PCCA: variants seen among roughly 807,000 people sequenced by gnomAD.
The protein encoded by PCCA is propionyl-CoA carboxylase subunit alpha.
Under a neutral mutation model 101.3 loss-of-function variants are expected in PCCA, and 74 were observed. The ratio of observed to expected loss-of-function variants is 0.73; its 90% CI spans 0.61 to 0.89. The LOEUF is 0.89. Ranked by LOEUF, PCCA falls within the 40% of genes least tolerant of loss-of-function variation. PCCA has a pLI of 0.00. For missense variants in PCCA, 891 were observed against 907.0 expected (o/e 0.98, Z 0.23); for synonymous variants, 294 against 313.6 (o/e 0.94, Z 0.66).
intron 19 of PCCA, among the ~76,000 whole-genome samples, chr13:100,380,919 G>A (rs1043708832): frequency 1.6e-4 from 24 of 152,288 alleles, no homozygotes; most frequent in Admixed American, 5.9e-4. Context: ...TCTAAAAATA[G>A]GCAAAAGATC....
At chr13:100,370,957 G>GC (rs2075538824) in intron 19 of PCCA, among the ~76,000 whole-genome samples, 1 of 152,102 alleles carries the variant, frequency 6.6e-6, no homozygotes, top group Non-Finnish European at 1.5e-5. Flanking sequence ...ACACAGTAAA[G>GC]CTTTAGGTGC....
intron 12 of PCCA, among the ~76,000 whole-genome samples, chr13:100,300,702 C>T (rs1409228486): frequency 1.3e-5 from 2 of 152,140 alleles, no homozygotes; most frequent in African/African-American, 4.8e-5. Flanking sequence ...TCTAAGTGAT[C>T]GACCAAGTTT....
At chr13:100,461,249 A>G (rs531462620) in intron 21 of PCCA, among the ~76,000 whole-genome samples, 31 of 152,324 alleles carry the variant, frequency 2.0e-4, no homozygotes, top group African/African-American at 7.0e-4. Context: ...AATTAGCAAG[A>G]GCTGAAGCTT....
rs1234569555 is a variant in PCCA, at chr13:100,274,727, C to T, written c.1065+1381C>T. On this transcript the variant is annotated intron_variant, in intron 12 of 23. Transcript: ENST00000376285. ...CCGTTTTCTGTAGGGACACTAGTCA[C>T]ATTGGATTCAGGACCCTTCCCATTT... 3.9e-5 allele frequency among the ~76,000 whole-genome samples: 6 copies of T among 152,262 alleles called. 1 individual carries two copies. The highest frequency in any genetic ancestry group is 3.3e-4 in the Admixed American group (5 of 15,286).
At chr13:100,261,819 C>G (rs576463042) in intron 9 of PCCA, among the ~76,000 whole-genome samples, 1 of 152,066 alleles carries the variant, frequency 6.6e-6, no homozygotes, top group Non-Finnish European at 1.5e-5. Flanking sequence ...TTGTAATGAT[C>G]TGTGTGGGTG....
At chr13:100,290,204 T>C (rs2065019813) in intron 12 of PCCA, among the ~76,000 whole-genome samples, 1 of 152,064 alleles carries the variant, frequency 6.6e-6, no homozygotes, top group Non-Finnish European at 1.5e-5. Context: ...ATTTTTTTTA[T>C]TTCTCTCTCT....
intron 6 of PCCA, among the ~76,000 whole-genome samples, chr13:100,201,194 T>C (rs1026799840): frequency 6.6e-6 from 1 of 152,174 alleles, no homozygotes; most frequent in African/African-American, 2.4e-5. Context: ...TATAAGGTTT[T>C]ATATATATAT....
intron 12 of PCCA, among the ~76,000 whole-genome samples, chr13:100,286,665 T>C (rs2064693626): frequency 6.6e-6 from 1 of 152,168 alleles, no homozygotes; most frequent in Admixed American, 6.5e-5. Flanking sequence ...TTTTAATGTG[T>C]CTTGGCTTAG....
intron 12 of PCCA, among the ~76,000 whole-genome samples, chr13:100,282,354 G>A (rs2064194934): frequency 1.3e-5 from 2 of 152,264 alleles, no homozygotes; most frequent in Non-Finnish European, 2.9e-5. Context: ...CGGCACTTGA[G>A]GAGCCTTCAG....
At chr13:100,331,934 ATTTTTTT>A (rs34411352) in intron 17 of PCCA, among the ~76,000 whole-genome samples, 1 of 89,768 alleles carries the variant, frequency 1.1e-5, no homozygotes, top group Non-Finnish European at 2.0e-5. Flanking sequence ...ATTACTTTGG[ATTTTTTT>A]TTTTTTTTTT....
chr13:100,467,416 G>T (rs2082618881), intron 21 of PCCA, among the ~76,000 whole-genome samples: 1 of 152,198 alleles, frequency 6.6e-6, no homozygotes, highest in Admixed American at 6.5e-5. Flanking sequence ...CTGTTGCCCA[G>T]GCTGGAGTGC....
At chr13:100,227,301 G>T (rs1411730971) in intron 7 of PCCA, among the ~76,000 whole-genome samples, 2 of 152,084 alleles carry the variant, frequency 1.3e-5, no homozygotes, top group Non-Finnish European at 2.9e-5. Flanking sequence ...TAACTGCAAG[G>T]CTTGGTTACC....
At chr13:100,378,452 T>C (rs2076048493) in intron 19 of PCCA, among the ~76,000 whole-genome samples, 1 of 152,242 alleles carries the variant, frequency 6.6e-6, no homozygotes, top group Non-Finnish European at 1.5e-5. Context: ...CTGGACCTTC[T>C]GTATCTGGAT....
chr13:100,254,440 C>T (rs2061949145), intron 8 of PCCA, among the ~76,000 whole-genome samples: 1 of 152,168 alleles, frequency 6.6e-6, no homozygotes. Context: ...GTGGAAATTT[C>T]ATGTCCAGAT....
At chr13:100,299,383 A>T (rs1345183421) in intron 12 of PCCA, among the ~76,000 whole-genome samples, 3 of 152,238 alleles carry the variant, frequency 2.0e-5, no homozygotes, top group Non-Finnish European at 4.4e-5. Flanking sequence ...TTTTTAAAAG[A>T]CATGTATACA....
intron 21 of PCCA, among the ~76,000 whole-genome samples, chr13:100,455,944 C>T (rs544438309): frequency 8.5e-4 from 129 of 152,200 alleles, no homozygotes; most frequent in Non-Finnish European, 1.7e-3. Context: ...AAATGATCCA[C>T]CCACCTCAGC....
At chr13:100,198,792 CCCGG>C (rs1476416720) in intron 6 of PCCA, among the ~76,000 whole-genome samples, 6 of 152,166 alleles carry the variant, frequency 3.9e-5, no homozygotes, top group African/African-American at 9.7e-5. Flanking sequence ...AGCCACCACA[CCCGG>C]TCTGCAGTTG....
intron 19 of PCCA, among the ~76,000 whole-genome samples, chr13:100,381,092 A>G (rs1190834326): frequency 1.3e-5 from 2 of 152,288 alleles, no homozygotes; most frequent in South Asian, 4.1e-4. Flanking sequence ...AGGTAATAAC[A>G]AGTGTTGGTA....
At chr13:100,125,601 G>T (rs991521675) in intron 4 of PCCA, among the ~76,000 whole-genome samples, 11 of 152,098 alleles carry the variant, frequency 7.2e-5, no homozygotes, top group Non-Finnish European at 1.5e-4. Flanking sequence ...TTTAGATTAA[G>T]AATACAATGT....
Sources: gnomAD v4.1 joint callset for allele counts (sites outside exome capture counted in the v4.1 genomes callset) on GRCh38, gnomAD v4.1.1 for gene constraint, MANE v1.5 for transcripts, NCBI Gene and HGNC (gene_info 2026-07-23, HGNC 2026-07-21) for gene names.